CBFA2T2: variants seen among roughly 807,000 people sequenced by gnomAD.
CBFA2T2 encodes the protein protein CBFA2T2.
In CBFA2T2, 11 loss-of-function variants were observed where a neutral mutation model predicts 62.2. The observed-to-expected ratio is 0.18, with a 90% CI of 0.11 to 0.29. The LOEUF is 0.29. Among genes scored for constraint, CBFA2T2 ranks in the 10% least tolerant of loss-of-function variants. The pLI is 1.00. For synonymous variants in CBFA2T2, 295 were observed against 287.5 expected, an observed-to-expected ratio of 1.03 and a Z score of -0.27; for missense variants, 592 against 774.1, an observed-to-expected ratio of 0.76 and a Z score of 2.79.
At chr20:33,582,684 G>A (rs920306381) in intron 1 of CBFA2T2, among the ~76,000 whole-genome samples, 2 of 152,200 alleles carry the variant, frequency 1.3e-5, no homozygotes, top group African/African-American at 4.8e-5. Context: ...ACTCACACCT[G>A]TAATCCCAGC....
At chr20:33,568,405 A>G (rs1169440196) in intron 1 of CBFA2T2, among the ~76,000 whole-genome samples, 1 of 152,020 alleles carries the variant, frequency 6.6e-6, no homozygotes, top group Non-Finnish European at 1.5e-5. Flanking sequence ...GCGTGTAGAG[A>G]ATGCTGTAGA....
intron 1 of CBFA2T2, among the ~76,000 whole-genome samples, chr20:33,551,545 G>A (rs112715120): frequency 0.09 from 13,664 of 151,178 alleles, 847 homozygotes; most frequent in Middle Eastern, 0.17. Context: ...ATGTTTTGTT[G>A]TTGTTGATTG....
intron 1 of CBFA2T2, among the ~76,000 whole-genome samples, chr20:33,558,695 G>T (rs1439451346): frequency 6.6e-6 from 1 of 151,974 alleles, no homozygotes; most frequent in Non-Finnish European, 1.5e-5. Context: ...TTTTATAATA[G>T]TGGCAATTGG....
intron 1 of CBFA2T2, among the ~76,000 whole-genome samples, chr20:33,604,131 G>A (rs2015248870): frequency 6.6e-6 from 1 of 152,090 alleles, no homozygotes; most frequent in South Asian, 2.1e-4. Flanking sequence ...GAGTTTCCAT[G>A]GATAAATTGT....
chr20:33,619,493 G>T, intron 3 of CBFA2T2, 24 bp from the exon 4 acceptor site: 1 of 1,444,136 alleles, frequency 6.9e-7, no homozygotes, highest in Non-Finnish European at 9.4e-7. Flanking sequence ...TTTGGAAGTT[G>T]AACAAGGTTA....
chr20:33,562,481 A>G, intron 1 of CBFA2T2: 1 of 985,934 alleles, frequency 1.0e-6, no homozygotes, highest in Non-Finnish European at 1.2e-6. Flanking sequence ...GGAATGGGAC[A>G]GGCAGCTCTA....
chr20:33,538,702 A>G lies in CBFA2T2; in HGVS notation c.34+48401A>G, dbSNP rs531306207. Among the ~76,000 whole-genome samples the G allele has an allele frequency of 2.0e-5, 3 of 152,282 alleles. No homozygotes were observed. In the East Asian group the frequency reaches 5.8e-4, roughly 29 times the overall value. ...TTCTGTACATCATTTGCAAATAAGG[A>G]CAATTTTACTTCTTTCCAATTATCA... On this transcript the variant is annotated intron_variant, in intron 1 of 10. Transcript: ENST00000342704.
intron 1 of CBFA2T2, among the ~76,000 whole-genome samples, chr20:33,511,298 G>A (rs1473993571): frequency 6.6e-6 from 1 of 152,120 alleles, no homozygotes; most frequent in African/African-American, 2.4e-5. Context: ...AGTCCATCTT[G>A]AATTAATTTT....
chr20:33,586,024 C>T (rs972631371), intron 1 of CBFA2T2, among the ~76,000 whole-genome samples: 2 of 152,274 alleles, frequency 1.3e-5, no homozygotes, highest in East Asian at 1.9e-4. Context: ...AGGTTTTATT[C>T]TTCTACCTTC....
At chr20:33,621,032 G>A (rs2015940202) in intron 4 of CBFA2T2, among the ~76,000 whole-genome samples, 1 of 152,100 alleles carries the variant, frequency 6.6e-6, no homozygotes, top group Non-Finnish European at 1.5e-5. Flanking sequence ...ATTGCATTTT[G>A]TTGTCACGTC....
intron 1 of CBFA2T2, among the ~76,000 whole-genome samples, chr20:33,550,388 CT>C (rs1172195830): frequency 2.0e-5 from 3 of 152,164 alleles, no homozygotes; most frequent in African/African-American, 4.8e-5. Context: ...TCCCCTCCCC[CT>C]ATTTTAATTA....
At chr20:33,579,296 G>A (rs764823758) in intron 1 of CBFA2T2, among the ~76,000 whole-genome samples, 38 of 151,440 alleles carry the variant, frequency 2.5e-4, no homozygotes, top group Non-Finnish European at 8.8e-5. Context: ...TCAAACTTCT[G>A]GGCTCAAGCA....
At chr20:33,631,947 CA>C (rs2016469206) in intron 8 of CBFA2T2, among the ~76,000 whole-genome samples, 1 of 152,124 alleles carries the variant, frequency 6.6e-6, no homozygotes, top group African/African-American at 2.4e-5. Context: ...AAAATGACTC[CA>C]AAAAGTGCCA....
intron 1 of CBFA2T2, among the ~76,000 whole-genome samples, chr20:33,575,099 A>G (rs2013762054): frequency 6.6e-6 from 1 of 152,180 alleles, no homozygotes; most frequent in Non-Finnish European, 1.5e-5. Context: ...GGGATTGTTG[A>G]TTAAATTAGC....
At chr20:33,619,432 TA>T (rs113267413) in intron 3 of CBFA2T2, 84 bp from the exon 4 acceptor site, 75,808 of 495,816 alleles carry the variant, frequency 0.15, 16 homozygotes, top group East Asian at 0.19. Context: ...TAAATAACAT[TA>T]AAAAAAAAAA....
chr20:33,573,987 C>G, intron 1 of CBFA2T2: 1 of 560,638 alleles, frequency 1.8e-6, no homozygotes, highest in Non-Finnish European at 2.7e-6. Flanking sequence ...TGGGGTTTTG[C>G]CATGTTGCCC....
At chr20:33,580,450 A>C (rs2014060399) in intron 1 of CBFA2T2, among the ~76,000 whole-genome samples, 2 of 152,214 alleles carry the variant, frequency 1.3e-5, no homozygotes, top group Admixed American at 6.5e-5. Flanking sequence ...AGAGGCCGAA[A>C]TTGGCCTCTT....
At chr20:33,603,000 G>A (rs1208877652) in intron 1 of CBFA2T2, among the ~76,000 whole-genome samples, 1 of 152,104 alleles carries the variant, frequency 6.6e-6, no homozygotes, top group Non-Finnish European at 1.5e-5. Flanking sequence ...ATCCCAGGTG[G>A]GATGGTGTGA....
intron 1 of CBFA2T2, among the ~76,000 whole-genome samples, chr20:33,588,753 CT>C (rs2014486765): frequency 6.6e-6 from 1 of 152,048 alleles, no homozygotes; most frequent in African/African-American, 2.4e-5. Flanking sequence ...TCGAGACCAG[CT>C]TGACCAACAT....
Sources: allele counts gnomAD v4.1 joint callset (sites outside exome capture counted in the v4.1 genomes callset), GRCh38; gene constraint gnomAD v4.1.1; transcripts MANE v1.5; gene names NCBI Gene and HGNC (gene_info 2026-07-23, HGNC 2026-07-21).